COLQ: variants seen among roughly 807,000 people sequenced by gnomAD.
The protein encoded by COLQ is collagen like tail subunit of asymmetric acetylcholinesterase.
Under a neutral mutation model 69.0 loss-of-function variants are expected in COLQ, and 48 were observed. That is an observed-to-expected ratio of 0.70 (90% CI 0.55 to 0.88). The LOEUF is 0.88. COLQ is among the 40% of genes least tolerant of loss of function. The probability of loss-of-function intolerance (pLI) is 0.00; values close to 1 mark genes in which losing one functional copy is unlikely to be tolerated. For synonymous variants in COLQ, 217 were observed against 211.2 expected (o/e 1.03, Z -0.24); for missense variants, 618 against 594.6 (o/e 1.04, Z -0.41).
chr3:15,476,415 T>TGCA (rs975608851), intron 6 of COLQ, among the ~76,000 whole-genome samples: 8 of 152,354 alleles, frequency 5.3e-5, no homozygotes, highest in African/African-American at 1.9e-4. Flanking sequence ...CTGGCTGCTG[T>TGCA]GCAGGACAGC....
intron 1 of COLQ, among the ~76,000 whole-genome samples, chr3:15,504,199 C>T (rs983131163): frequency 6.6e-6 from 1 of 152,308 alleles, no homozygotes; most frequent in East Asian, 1.9e-4. Flanking sequence ...AGAGTAATTA[C>T]AGCAAAATGA....
chr3:15,474,984 G>A (rs1285188946), intron 7 of COLQ, 33 bp from the exon 8 acceptor site: 1 of 1,611,608 alleles, frequency 6.2e-7, no homozygotes, highest in Admixed American at 1.7e-5. Context: ...TTTACAATCA[G>A]CCCTGTAGGA....
intron 2 of COLQ, among the ~76,000 whole-genome samples, chr3:15,488,855 C>G (rs918594761): frequency 7.2e-5 from 11 of 152,192 alleles, no homozygotes; most frequent in African/African-American, 2.7e-4. Flanking sequence ...TTTACACTTA[C>G]AGCACACCTC....
intron 3 of COLQ, among the ~76,000 whole-genome samples, chr3:15,480,770 A>T (rs149627291): frequency 6.6e-6 from 1 of 151,998 alleles, no homozygotes; most frequent in Non-Finnish European, 1.5e-5. Flanking sequence ...GTCTTCCACA[A>T]TGGTTGAACT....
chr3:15,514,425 C>T (rs974571383), intron 1 of COLQ, among the ~76,000 whole-genome samples: 6 of 152,090 alleles, frequency 3.9e-5, no homozygotes, highest in Admixed American at 2.6e-4. Flanking sequence ...CCATGCTGGC[C>T]GTAGTTCAGT....
intron 16 of COLQ, among the ~76,000 whole-genome samples, chr3:15,452,218 C>T (rs774846067): frequency 2.9e-4 from 44 of 152,142 alleles, no homozygotes; most frequent in Admixed American, 5.9e-4. Context: ...AGGCACGTGC[C>T]ACCAAGCTCA....
intron 1 of COLQ, among the ~76,000 whole-genome samples, chr3:15,503,049 C>A (rs1456587288): frequency 6.6e-6 from 1 of 152,214 alleles, no homozygotes; most frequent in African/African-American, 2.4e-5. Context: ...ACCTTGCACA[C>A]AGCCCTAGGA....
intron 15 of COLQ, among the ~76,000 whole-genome samples, chr3:15,454,655 T>TG (rs1216211179): frequency 5.2e-5 from 3 of 58,080 alleles, no homozygotes; most frequent in Non-Finnish European, 1.2e-4. Context: ...TGAACTGTTT[T>TG]TTTTTTTTTT....
At chr3:15,455,767 A>AGGT in intron 15 of COLQ, 132 bp downstream of exon 15, 2 of 1,198,424 alleles carry the variant, frequency 1.7e-6, no homozygotes, top group Non-Finnish European at 2.4e-6. Flanking sequence ...GGGTGGCACA[A>AGGT]GGTGGCCTGG....
At chr3:15,479,480 C>T (rs758018976) in intron 3 of COLQ, 98 bp from the exon 4 acceptor site, 1 of 1,201,214 alleles carries the variant, frequency 8.3e-7, no homozygotes, top group African/African-American at 1.5e-5. Flanking sequence ...GCAGCAACAT[C>T]ATTCTCTGGG....
chr3:15,474,980 A>G (rs995413820), intron 7 of COLQ, 29 bp from the exon 8 acceptor site: 4 of 1,612,936 alleles, frequency 2.5e-6, no homozygotes, highest in Non-Finnish European at 3.4e-6. Flanking sequence ...TACATTTACA[A>G]TCAGCCCTGT....
chr3:15,514,423 G>T (rs2063029073), intron 1 of COLQ, among the ~76,000 whole-genome samples: 1 of 152,074 alleles, frequency 6.6e-6, no homozygotes, highest in Non-Finnish European at 1.5e-5. Flanking sequence ...TTCCATGCTG[G>T]CCGTAGTTCA....
chr3:15,473,955 G>C lies in COLQ; in HGVS notation c.636+45C>G, dbSNP rs753248148. On this transcript the variant is annotated intron_variant, in intron 10 of 16. Transcript: ENST00000383788. This position sits in a 1 kb window ranked among gnomAD's most constrained non-coding sequence, Gnocchi z 4.0. Reference sequence around the variant, plus strand: ...TCTTTTTGTTGTGCTTGGAGGACCTGATATTTTTATTGAGGCCTATTTTCA... The same window carrying C: ...TCTTTTTGTTGTGCTTGGAGGACCTCATATTTTTATTGAGGCCTATTTTCA... 6.2e-7 allele frequency: 1 copy of C among 1,603,038 alleles called. No individual in the cohort carries two copies. Among genetic ancestry groups the C allele is most frequent in the Non-Finnish European group, 8.5e-7 (1 of 1,170,270 alleles).
intron 1 of COLQ, among the ~76,000 whole-genome samples, chr3:15,505,867 A>C (rs1189570333): frequency 1.6e-4 from 24 of 152,222 alleles, no homozygotes. Context: ...CCATGGTGAC[A>C]GTTTAGCTCT....
intron 3 of COLQ, among the ~76,000 whole-genome samples, chr3:15,482,720 C>T (rs1292889919): frequency 6.6e-6 from 1 of 152,148 alleles, no homozygotes; most frequent in Non-Finnish European, 1.5e-5. Context: ...TGATGCTGGC[C>T]TCATAAAATG....
intron 5 of COLQ, chr3:15,478,458 G>T: frequency 5.8e-6 from 1 of 172,200 alleles, no homozygotes; most frequent in South Asian, 1.4e-4. Context: ...ATAGGCAGCT[G>T]ATTTACTCCC....
intron 3 of COLQ, among the ~76,000 whole-genome samples, chr3:15,486,669 G>A (rs1475915562): frequency 6.6e-6 from 1 of 152,186 alleles, no homozygotes; most frequent in African/African-American, 2.4e-5. Context: ...TTTTCTGCAG[G>A]CTTCCAAGCT....
chr3:15,466,542 C>T, intron 11 of COLQ, 105 bp from the exon 12 acceptor site: 1 of 916,122 alleles, frequency 1.1e-6, no homozygotes, highest in Admixed American at 2.1e-5. Context: ...GGAGCAAGAG[C>T]CCAGTGGGGG....
chr3:15,467,706 G>A (rs538483265), intron 11 of COLQ: 11 of 379,458 alleles, frequency 2.9e-5, no homozygotes, highest in Admixed American at 2.6e-4. Flanking sequence ...AGCAGTGATT[G>A]ACACTTGCCA....
Sources: allele counts gnomAD v4.1 joint callset (sites outside exome capture counted in the v4.1 genomes callset), GRCh38; gene constraint gnomAD v4.1.1; non-coding constraint Gnocchi (gnomAD v3.1); transcripts MANE v1.5; gene names NCBI Gene and HGNC (gene_info 2026-07-23, HGNC 2026-07-21).